The following PKHD1L1 variants were observed in gnomAD, a reference collection of about 807,000 sequenced individuals.
The protein encoded by PKHD1L1 is PKHD1 like 1, also known as fibrocystin-L.
Under a neutral mutation model 462.9 loss-of-function variants are expected in PKHD1L1, and 434 were observed. The observed-to-expected ratio is 0.94, with a 90% CI of 0.87 to 1.02. The LOEUF is 1.02. Among genes scored for constraint, PKHD1L1 ranks in the 50% least tolerant of loss-of-function variants. PKHD1L1 has a pLI of 0.00. For synonymous variants in PKHD1L1, 1,781 were observed against 1,750.0 expected (o/e 1.02, Z -0.44); for missense variants, 5,202 against 5,096.1 (o/e 1.02, Z -0.63).
At position 109,376,509 on chromosome 8, in the gene PKHD1L1, G is replaced by A. The variant is rs572867100; in HGVS notation, c.164-4861G>A. Among the ~76,000 whole-genome samples, 5 of 152,144 alleles carry A rather than the reference G, an allele frequency of 3.3e-5. No individual in the cohort carries two copies. The South Asian group carries it at 6.2e-4, about 19-fold the overall frequency. ...CACAGTGCGCTGCACCCACTGTCCT[G>A]CACCCACTGTCCGGCACTCCCCAGT... On this transcript the variant is annotated intron_variant, in intron 2 of 77. Transcript: ENST00000378402.
At position 109,477,389 on chromosome 8, in the gene PKHD1L1, A is replaced by G; in HGVS notation, c.9082A>G (p.Thr3028Ala). The change falls in exon 53 of 78, where the codon ACA becomes GCA. Residue 3028 changes from threonine (T) to alanine (A), a missense_variant. This residue lies in a region of PKHD1L1 where 4,497 missense variants were observed against 4,336.8 expected (regional missense o/e 1.04). Transcript: ENST00000378402. ...RKPIPKKRPA[T>A]YNLWSNDSFW... ...ACCAATTCCCAAGAAGCGACCAGCC[A>G]CATATAAGTACATAGGCCTTTTGTA... 6.2e-7 allele frequency: 1 copy of G among 1,611,664 alleles called. No individual in the cohort carries two copies. Among genetic ancestry groups the G allele is most frequent in the Non-Finnish European group, 8.5e-7 (1 of 1,178,244 alleles).
chr8:109,446,603 A>G (rs1323292618), intron 38 of PKHD1L1, among the ~76,000 whole-genome samples: 1 of 152,196 alleles, frequency 6.6e-6, no homozygotes, highest in African/African-American at 2.4e-5. Flanking sequence ...ATCTTCTTTA[A>G]TATGTCAAAT....
Position 109,530,151 on chromosome 8 carries a change from G to A in PKHD1L1, c.*61G>A, listed in dbSNP as rs991831835. 6 of 1,063,942 alleles carry A rather than the reference G, an allele frequency of 5.6e-6. No individual in the cohort carries two copies. The highest frequency in any genetic ancestry group is 2.5e-5 in the South Asian group (1 of 39,490). 65.9% of individuals were successfully genotyped at this position (1,063,942 alleles called of 1,614,324 possible). A position where few individuals can be genotyped will look rare whatever the true frequency, so the allele number is the denominator to read the frequency against. ...TAAGAATTATTAGCTACTTTGTTGGGCAATAGGCAAAAGTCTATAGCATTT... is the reference window on the plus strand; with the variant it reads ...TAAGAATTATTAGCTACTTTGTTGGACAATAGGCAAAAGTCTATAGCATTT... On this transcript the variant is annotated 3_prime_UTR_variant, in exon 78 of 78. Coordinates refer to ENST00000378402, the MANE Select transcript of PKHD1L1 (RefSeq NM_177531.6).
At chr8:109,460,180 T>A (rs568668318) in intron 47 of PKHD1L1, among the ~76,000 whole-genome samples, 50 of 152,244 alleles carry the variant, frequency 3.3e-4, no homozygotes, top group African/African-American at 1.2e-3. Context: ...AGATTAGACC[T>A]TGATGATTAG....
intron 77 of PKHD1L1, 79 bp downstream of exon 77, chr8:109,527,099 C>T: frequency 1.3e-5 from 15 of 1,185,770 alleles, no homozygotes; most frequent in Non-Finnish European, 1.8e-5. Flanking sequence ...GTGTGCACAG[C>T]TCTTGTGCAT....
Position 109,459,794 on chromosome 8 carries a change from T to C in PKHD1L1, c.7204T>C (p.Trp2402Arg), listed in dbSNP as rs189382288. Residue 2402 changes from tryptophan (W) to arginine (R), a missense_variant, in exon 47 of 78, where the codon TGG becomes CGG. By Grantham distance (101) the Trp-to-Arg change is moderately radical (BLOSUM62 -3). This residue lies in a region of PKHD1L1 where 4,497 missense variants were observed against 4,336.8 expected (regional missense o/e 1.04). Transcript: ENST00000378402. ...ILIRGSDNVE[W>R]NNKIPACPDG... The stretch of plus-strand genomic sequence containing the variant: ...AATAAGAGGATCTGATAATGTTGAG[T>C]GGAATAACAAAATTCCTGCATGTCC... The C allele has an allele frequency of 7.7e-4, 1,236 of 1,611,474 alleles. 1 individual carries two copies. Among genetic ancestry groups the C allele is most frequent in the Non-Finnish European group, 8.4e-4 (991 of 1,178,556 alleles).
At chr8:109,456,144 A>C in intron 45 of PKHD1L1, 118 bp from the exon 46 acceptor site, 2 of 1,023,646 alleles carry the variant, frequency 2.0e-6, no homozygotes, top group South Asian at 3.9e-5. Flanking sequence ...GTGAAATGCT[A>C]AGGTAAAATG....
At chr8:109,466,443 C>T in intron 49 of PKHD1L1, 135 bp from the exon 50 acceptor site, 2 of 857,506 alleles carry the variant, frequency 2.3e-6, no homozygotes, top group Non-Finnish European at 3.3e-6. Context: ...TCCATGCAAA[C>T]AAGCAAACAA....
At chr8:109,477,735 T>C (rs985474857) in intron 53 of PKHD1L1, among the ~76,000 whole-genome samples, 11 of 152,182 alleles carry the variant, frequency 7.2e-5, no homozygotes, top group Admixed American at 7.2e-4. Flanking sequence ...AGCTCACTGA[T>C]GGCATATCCA....
At chr8:109,369,674 T>C (rs1811399834) in intron 2 of PKHD1L1, among the ~76,000 whole-genome samples, 1 of 151,954 alleles carries the variant, frequency 6.6e-6, no homozygotes, top group Non-Finnish European at 1.5e-5. Context: ...ACACCACAAG[T>C]AAAACTTTCC....
rs1223243422 is a variant in PKHD1L1 at position 109,400,287 on chromosome 8, C to T, written c.1224C>T (p.Ile408=). The change falls in exon 13 of 78, where the codon ATC becomes ATT. Residue 408 remains isoleucine (I), a synonymous_variant. Transcript: ENST00000378402. ...APDSDVYRFY[I]KGDDRYAIYF... is the part of the protein sequence containing the mutation. ...ATTCTGATGTTTATAGATTCTACAT[C>T]AAGGGTGATGACCGTTATGCTATTT... is the stretch of plus-strand genomic sequence containing the variant. 11 of 1,613,512 alleles carry T rather than the reference C, an allele frequency of 6.8e-6. No homozygotes were observed. The highest frequency in any genetic ancestry group is 9.3e-6 in the Non-Finnish European group (11 of 1,179,602).
intron 70 of PKHD1L1, among the ~76,000 whole-genome samples, chr8:109,509,873 A>C (rs1819880641): frequency 6.6e-6 from 1 of 152,126 alleles, no homozygotes; most frequent in South Asian, 2.1e-4. Flanking sequence ...GAAATTCAGA[A>C]AACCTAATGA....
chr8:109,490,806 A>T (rs1161005149), intron 60 of PKHD1L1, among the ~76,000 whole-genome samples, 166 bp from the exon 61 acceptor site: 1 of 151,830 alleles, frequency 6.6e-6, no homozygotes, highest in Non-Finnish European at 1.5e-5. Flanking sequence ...TCCATATTTT[A>T]TATATGGATA....
intron 63 of PKHD1L1, among the ~76,000 whole-genome samples, chr8:109,496,329 T>G (rs1819084973): frequency 6.6e-6 from 1 of 152,146 alleles, no homozygotes; most frequent in South Asian, 2.1e-4. Context: ...TATCAGGTAT[T>G]TAGGGAAGGT....
intron 41 of PKHD1L1, 112 bp from the exon 42 acceptor site, chr8:109,452,012 T>C (rs571304337): frequency 2.9e-5 from 27 of 926,206 alleles, no homozygotes; most frequent in Middle Eastern, 6.9e-4. Flanking sequence ...TGGTGGCTGA[T>C]AGAATCAGGT....
intron 48 of PKHD1L1, 48 bp downstream of exon 48, chr8:109,461,956 A>C: frequency 6.5e-7 from 1 of 1,549,066 alleles, no homozygotes; most frequent in Non-Finnish European, 8.7e-7. Context: ...AAGGTTATCC[A>C]TACAAGAAAT....
intron 50 of PKHD1L1, among the ~76,000 whole-genome samples, chr8:109,472,552 G>T (rs1289164842): frequency 6.6e-6 from 1 of 151,948 alleles, no homozygotes; most frequent in Admixed American, 6.6e-5. Context: ...TACCTAGAGG[G>T]CCAGATCTAC....
intron 13 of PKHD1L1, among the ~76,000 whole-genome samples, chr8:109,400,896 A>G (rs1473521890): frequency 6.6e-6 from 1 of 152,158 alleles, no homozygotes; most frequent in East Asian, 1.9e-4. Context: ...AAACTAACAG[A>G]TCAAATCAAA....
At chr8:109,458,986 TG>T (rs997941068) in intron 46 of PKHD1L1, among the ~76,000 whole-genome samples, 3 of 152,124 alleles carry the variant, frequency 2.0e-5, no homozygotes, top group African/African-American at 7.2e-5. Flanking sequence ...GGCTGGAATT[TG>T]GGGTATATTT....
Sources: gnomAD v4.1 joint callset for allele counts (sites outside exome capture counted in the v4.1 genomes callset) on GRCh38, gnomAD v4.1.1 for gene constraint, gnomAD v4.1.1 regional missense constraint, MANE v1.5 for transcripts, NCBI Gene and HGNC (gene_info 2026-07-23, HGNC 2026-07-21) for gene names.